Variants in MAP3K5 observed in about 807,000 individuals in gnomAD.
MAP3K5 encodes mitogen-activated protein kinase kinase kinase 5.
Under a neutral mutation model 158.7 loss-of-function variants are expected in MAP3K5, and 56 were observed. The observed-to-expected ratio is 0.35, with a 90% CI of 0.28 to 0.44. MAP3K5 has a LOEUF of 0.44. Among genes scored for constraint, MAP3K5 ranks in the 20% least tolerant of loss-of-function variants. The probability of loss-of-function intolerance (pLI) is 1.00; values close to 1 mark genes in which losing one functional copy is unlikely to be tolerated. For missense variants in MAP3K5, 1,294 were observed against 1,674.8 expected (o/e 0.77, Z 3.97); for synonymous variants, 579 against 601.7 (o/e 0.96, Z 0.55).
At chr6:136,780,537 A>G (rs1784574157) in intron 1 of MAP3K5, among the ~76,000 whole-genome samples, 1 of 152,178 alleles carries the variant, frequency 6.6e-6, no homozygotes, top group Non-Finnish European at 1.5e-5. Context: ...GAGAGTTGTT[A>G]TTTTAGATTG....
intron 1 of MAP3K5, among the ~76,000 whole-genome samples, chr6:136,768,308 T>C (rs913421045): frequency 2.0e-5 from 3 of 152,218 alleles, no homozygotes; most frequent in Non-Finnish European, 4.4e-5. Flanking sequence ...AATCATATAT[T>C]TGATAAGGGG....
At chr6:136,721,236 AAC>A (rs1491299810) in intron 1 of MAP3K5, among the ~76,000 whole-genome samples, 6 of 152,160 alleles carry the variant, frequency 3.9e-5, no homozygotes, top group East Asian at 3.9e-4. Context: ...AAAAAAAAAA[AAC>A]AGATTCATTA....
chr6:136,751,150 CTT>C (rs10690202), intron 1 of MAP3K5, among the ~76,000 whole-genome samples: 14 of 138,486 alleles, frequency 1.0e-4, no homozygotes, highest in Non-Finnish European at 1.2e-4. Context: ...GCTCTGGCTG[CTT>C]TTTTTTTTTT....
chr6:136,703,247 A>G (rs1780929950), intron 3 of MAP3K5, among the ~76,000 whole-genome samples: 1 of 152,178 alleles, frequency 6.6e-6, no homozygotes, highest in Non-Finnish European at 1.5e-5. Flanking sequence ...CTTCTTCAAA[A>G]TGTACAATAT....
chr6:136,740,580 T>A (rs921392575), intron 1 of MAP3K5, among the ~76,000 whole-genome samples: 1 of 151,956 alleles, frequency 6.6e-6, no homozygotes. Flanking sequence ...TCTTTCTACC[T>A]CCGTGTGATT....
chr6:136,636,787 A>C lies in MAP3K5; in HGVS notation c.2016+538T>G, dbSNP rs553913777. On this transcript the variant is annotated intron_variant, in intron 14 of 29. Transcript: ENST00000359015. ...ACGAGAACAAGTCTCTATAAAAATA[A>C]AAATAAAAACCATATAAAAGTAGGT... The C allele has an allele frequency of 4.6e-4, 445 of 960,842 alleles. 4 individuals carry two copies. The South Asian group carries it at 0.019, about 41-fold the overall frequency. 59.5% of individuals were successfully genotyped at this position (960,842 alleles called of 1,614,324 possible). A position where few individuals can be genotyped will look rare whatever the true frequency, so the allele number is the denominator to read the frequency against.
At chr6:136,624,722 A>G (rs1267080855) in intron 14 of MAP3K5, among the ~76,000 whole-genome samples, 1 of 152,210 alleles carries the variant, frequency 6.6e-6, no homozygotes, top group East Asian at 1.9e-4. Flanking sequence ...TTTTTAAATG[A>G]GAAGAAAAAC....
intron 8 of MAP3K5, among the ~76,000 whole-genome samples, chr6:136,660,424 GA>G (rs1017316277): frequency 1.3e-5 from 2 of 149,730 alleles, no homozygotes; most frequent in Non-Finnish European, 3.0e-5. Flanking sequence ...AGAAAAAACA[GA>G]AAAAAAAAGG....
At chr6:136,732,178 A>T (rs1193645276) in intron 1 of MAP3K5, among the ~76,000 whole-genome samples, 1 of 152,126 alleles carries the variant, frequency 6.6e-6, no homozygotes, top group Non-Finnish European at 1.5e-5. Flanking sequence ...TAATCCCAGC[A>T]CTTTGGGAGG....
chr6:136,731,642 A>G (rs895829521), intron 1 of MAP3K5, among the ~76,000 whole-genome samples: 3 of 152,148 alleles, frequency 2.0e-5, no homozygotes, highest in African/African-American at 7.2e-5. Flanking sequence ...TCTGACATAG[A>G]TATTAGGGTG....
Position 136,641,400 on chromosome 6 carries a change from C to T in MAP3K5, c.1838+1120G>A, listed in dbSNP as rs572217329. Among the ~76,000 whole-genome samples, 12 of 152,286 alleles carry T rather than the reference C, an allele frequency of 7.9e-5. No individual in the cohort carries two copies. The Middle Eastern group carries it at 0.01, about 129-fold the overall frequency. On this transcript the variant is annotated intron_variant, in intron 12 of 29. Transcript: ENST00000359015. ...CTCATTGCTATGACGTGGGGGTAAA[C>T]AGTAGTTAGCACATCTAATTTGGTT... is the stretch of plus-strand genomic sequence containing the variant.
chr6:136,683,157 C>T (rs1335858758), intron 7 of MAP3K5, among the ~76,000 whole-genome samples: 1 of 152,178 alleles, frequency 6.6e-6, no homozygotes, highest in Non-Finnish European at 1.5e-5. Flanking sequence ...TTCATTTAAT[C>T]CTCACAACAA....
At chr6:136,738,611 G>C (rs1354939553) in intron 1 of MAP3K5, among the ~76,000 whole-genome samples, 1 of 152,132 alleles carries the variant, frequency 6.6e-6, no homozygotes, top group Non-Finnish European at 1.5e-5. Context: ...ATGCAGATCT[G>C]GCAAAGGCAT....
intron 3 of MAP3K5, among the ~76,000 whole-genome samples, chr6:136,699,566 A>T (rs1403254756): frequency 2.0e-5 from 3 of 152,216 alleles, no homozygotes; most frequent in African/African-American, 4.8e-5. Flanking sequence ...CCCCTCGCCC[A>T]CTACAGCCTG....
intron 7 of MAP3K5, among the ~76,000 whole-genome samples, chr6:136,673,695 TGA>T (rs1202571474): frequency 7.1e-6 from 1 of 140,420 alleles, no homozygotes; most frequent in Non-Finnish European, 1.5e-5. Context: ...GTATCTAAAC[TGA>T]AGCAGAGATA....
chr6:136,629,948 C>T (rs776935725), intron 14 of MAP3K5, among the ~76,000 whole-genome samples: 13 of 152,082 alleles, frequency 8.5e-5, no homozygotes, highest in African/African-American at 2.4e-4. Flanking sequence ...GATGGGGTTT[C>T]GCCATTTTAG....
At chr6:136,754,277 AAAAAG>A (rs1389700654) in intron 1 of MAP3K5, among the ~76,000 whole-genome samples, 11 of 151,684 alleles carry the variant, frequency 7.3e-5, no homozygotes, top group Admixed American at 5.3e-4. Context: ...GATAAAAAAA[AAAAAG>A]AAAAGAAAAT....
intron 1 of MAP3K5, among the ~76,000 whole-genome samples, chr6:136,738,323 T>C (rs1367781570): frequency 2.0e-5 from 3 of 152,156 alleles, no homozygotes; most frequent in Non-Finnish European, 4.4e-5. Context: ...GGCAAAGCTC[T>C]CTCTACTTGA....
chr6:136,738,513 AAG>A (rs952785177), intron 1 of MAP3K5, among the ~76,000 whole-genome samples: 1 of 152,148 alleles, frequency 6.6e-6, no homozygotes, highest in African/African-American at 2.4e-5. Flanking sequence ...GAATAATAAA[AAG>A]AGTCTTCCAA....
Sources: gnomAD v4.1 joint callset for allele counts (sites outside exome capture counted in the v4.1 genomes callset) on GRCh38, gnomAD v4.1.1 for gene constraint, MANE v1.5 for transcripts, NCBI Gene and HGNC (gene_info 2026-07-23, HGNC 2026-07-21) for gene names.